Variants in RBM19 observed in about 807,000 individuals in gnomAD.
The protein encoded by RBM19 is probable RNA-binding protein 19.
Under a neutral mutation model 116.8 loss-of-function variants are expected in RBM19, and 94 were observed. That is an observed-to-expected ratio of 0.80 (90% CI 0.68 to 0.95). The LOEUF (loss-of-function observed/expected upper bound fraction) is 0.95. Ranked by LOEUF, RBM19 falls within the 40% of genes least tolerant of loss-of-function variation. The pLI, the probability that RBM19 is intolerant of heterozygous loss-of-function variation, is 0.00. For synonymous variants in RBM19, 475 were observed against 494.1 expected (o/e 0.96, Z 0.51); for missense variants, 1,161 against 1,220.7 (o/e 0.95, Z 0.73).
downstream of RBM19, among the ~76,000 whole-genome samples, chr12:113,821,310 T>C (rs899319742): frequency 6.6e-6 from 1 of 152,088 alleles, no homozygotes; most frequent in African/African-American, 2.4e-5. Context: ...GGTCTACACC[T>C]GAGTTTTGGT....
intron 16 of RBM19, among the ~76,000 whole-genome samples, chr12:113,934,665 C>G (rs139781651): frequency 1.2e-3 from 190 of 152,198 alleles, no homozygotes; most frequent in Non-Finnish European, 2.1e-3. Flanking sequence ...TGACACAATT[C>G]CAGGAAGTGA....
At chr12:113,849,191 C>T (rs1161719096) in intron 22 of RBM19, among the ~76,000 whole-genome samples, 1 of 152,244 alleles carries the variant, frequency 6.6e-6, no homozygotes, top group Non-Finnish European at 1.5e-5. Context: ...AGAACCTGCT[C>T]CCTGCCCCAT....
intron 23 of RBM19, among the ~76,000 whole-genome samples, chr12:113,840,550 C>T (rs921309378): frequency 1.3e-5 from 2 of 152,272 alleles, no homozygotes; most frequent in African/African-American, 2.4e-5. Context: ...GCTCCATCCC[C>T]GGAAGGCTGA....
chr12:113,825,181 G>A lies in RBM19; in HGVS notation c.2786-1860C>T, dbSNP rs576905786. On this transcript the variant is annotated intron_variant, in intron 23 of 23. Coordinates refer to ENST00000261741, the MANE Select transcript of RBM19 (RefSeq NM_016196.4). This position sits in a 1 kb window ranked among gnomAD's most constrained non-coding sequence, Gnocchi z 5.7. Reference sequence around the variant, plus strand: ...AAATATCCCAGAAAGGGGAATGAGCGGACGGAGCAAGGGTGAGAGAGAGAC... The same window carrying A: ...AAATATCCCAGAAAGGGGAATGAGCAGACGGAGCAAGGGTGAGAGAGAGAC... Among the ~76,000 whole-genome samples the A allele has an allele frequency of 2.0e-5, 3 of 152,358 alleles. No individual in the cohort carries two copies. Among genetic ancestry groups the A allele is most frequent in the Admixed American group, 6.5e-5 (1 of 15,308 alleles).
chr12:113,948,773 A>C, intron 10 of RBM19, 60 bp downstream of exon 10: 1 of 1,559,744 alleles, frequency 6.4e-7, no homozygotes. Context: ...AGGACGTCAG[A>C]GTGAGAGCCC....
chr12:113,966,020 C>T, intron 1 of RBM19, 172 bp downstream of exon 1: 4 of 699,306 alleles, frequency 5.7e-6, no homozygotes, highest in Non-Finnish European at 9.7e-6. Flanking sequence ...ATTCCTCTTT[C>T]CTCGGGATCA....
intron 21 of RBM19, among the ~76,000 whole-genome samples, chr12:113,884,330 C>CAT (rs1273816869): frequency 2.6e-4 from 39 of 150,260 alleles, no homozygotes; most frequent in African/African-American, 8.1e-4. Flanking sequence ...CACACACACA[C>CAT]ACACGTACTT....
In RBM19 at chr12:113,898,602, G is replaced by A. The variant is rs1292593882; in HGVS notation, c.2558+16367C>T. Among the ~76,000 whole-genome samples the A allele has an allele frequency of 3.9e-5, 6 of 152,148 alleles. No individual in the cohort carries two copies. Among genetic ancestry groups the A allele is most frequent in the African/African-American group, 9.7e-5 (4 of 41,426 alleles). ...CCAATAAGCACCGCTGCATGAAAAC[G>A]GGTGTTTGATGACCGGCAAGACTCA... On this transcript the variant is annotated intron_variant, in intron 21 of 23. Coordinates refer to ENST00000261741, the MANE Select transcript of RBM19 (RefSeq NM_016196.4). The surrounding 1 kb of genome is among the most constrained non-coding windows in gnomAD (Gnocchi z 4.3).
chr12:113,826,582 A>C (rs888959011), intron 23 of RBM19, among the ~76,000 whole-genome samples: 2 of 152,218 alleles, frequency 1.3e-5, no homozygotes, highest in Non-Finnish European at 2.9e-5. Context: ...ATGGTGGGGA[A>C]CAAGCCTGGC....
intron 16 of RBM19, 177 bp from the exon 17 acceptor site, chr12:113,927,406 C>T: frequency 1.5e-6 from 1 of 675,760 alleles, no homozygotes; most frequent in Non-Finnish European, 2.4e-6. Flanking sequence ...GCTTCAGCAA[C>T]TCTTGAGACA....
chr12:113,844,681 G>A lies in RBM19; in HGVS notation c.2772C>T (p.Ala924=), dbSNP rs368224110. 8 of 1,610,596 alleles carry A rather than the reference G, an allele frequency of 5.0e-6. No homozygotes were observed. Among genetic ancestry groups the A allele is most frequent in the Admixed American group, 1.7e-5 (1 of 59,728 alleles). Residue 924 remains alanine, a synonymous_variant, in exon 23 of 24, where the codon GCC becomes GCT. Coordinates refer to ENST00000261741, the MANE Select transcript of RBM19 (RefSeq NM_016196.4). ...TCCCGCTCCTACCGTGAAAGTGAGC[G>A]GCCGTCTTCCGCCGCAGGGCCTGCA... ...VTLQALRRKT[A]AHFHEPPKKK...
intron 21 of RBM19, among the ~76,000 whole-genome samples, chr12:113,862,042 G>A (rs928660365): frequency 6.6e-6 from 1 of 152,238 alleles, no homozygotes; most frequent in African/African-American, 2.4e-5. Flanking sequence ...CAGGACATGA[G>A]AGAACTGAAG....
rs186520318 is a variant in RBM19 at position 113,949,664 on chromosome 12, G to A, written c.1072+419C>T. Among the ~76,000 whole-genome samples, 405 of 152,240 alleles carry A rather than the reference G, an allele frequency of 2.7e-3. 2 individuals carry two copies. Among genetic ancestry groups the A allele is most frequent in the Middle Eastern group, 0.014 (4 of 294 alleles). On this transcript the variant is annotated intron_variant, in intron 9 of 23. Coordinates refer to ENST00000261741, the MANE Select transcript of RBM19 (RefSeq NM_016196.4). ...CCTCCCAACTCCAGGGAATTTGCACGTGCTGTTCCCTCTACTGAACATCCT... is the reference window on the plus strand; with the variant it reads ...CCTCCCAACTCCAGGGAATTTGCACATGCTGTTCCCTCTACTGAACATCCT...
At chr12:113,893,207 T>G (rs1881075603) in intron 21 of RBM19, among the ~76,000 whole-genome samples, 1 of 152,052 alleles carries the variant, frequency 6.6e-6, no homozygotes, top group Admixed American at 6.6e-5. Flanking sequence ...AATTTTTAAT[T>G]TTTTGTAGAG....
chr12:113,906,683 G>A (rs1032465411), intron 21 of RBM19, among the ~76,000 whole-genome samples: 5 of 151,954 alleles, frequency 3.3e-5, no homozygotes, highest in Admixed American at 6.6e-5. Flanking sequence ...GGATCTGCAC[G>A]TGCTCACTCC....
At chr12:113,965,010 G>A (rs55918748) in intron 1 of RBM19, among the ~76,000 whole-genome samples, 13,520 of 151,810 alleles carry the variant, frequency 0.089, 959 homozygotes, top group East Asian at 0.42. Flanking sequence ...AGTGGCTCAC[G>A]CCTGTAATCC....
intron 21 of RBM19, among the ~76,000 whole-genome samples, chr12:113,867,551 T>G (rs1028407007): frequency 6.6e-6 from 1 of 152,184 alleles, no homozygotes; most frequent in Non-Finnish European, 1.5e-5. Context: ...CTCCAATATA[T>G]GTACAGTTTA....
chr12:113,922,703 A>G (rs1868697258), intron 18 of RBM19, among the ~76,000 whole-genome samples: 1 of 151,792 alleles, frequency 6.6e-6, no homozygotes. Flanking sequence ...ACCCAAAACT[A>G]TATCTGAAGA....
chr12:113,835,486 G>C (rs1450888084), intron 23 of RBM19, among the ~76,000 whole-genome samples: 1 of 152,196 alleles, frequency 6.6e-6, no homozygotes, highest in Non-Finnish European at 1.5e-5. Flanking sequence ...GAAAAGGAGA[G>C]GTGTGGGGGA....
Sources: gnomAD v4.1 joint callset for allele counts (sites outside exome capture counted in the v4.1 genomes callset) on GRCh38, gnomAD v4.1.1 for gene constraint, Gnocchi (gnomAD v3.1) non-coding constraint, MANE v1.5 for transcripts, NCBI Gene and HGNC (gene_info 2026-07-23, HGNC 2026-07-21) for gene names.